ZNF284: variants seen among roughly 807,000 people sequenced by gnomAD.
ZNF284 encodes the protein zinc finger protein 284.
ZNF284 carries 12 observed loss-of-function variants against 12.9 expected under a neutral mutation model. That is an observed-to-expected ratio of 0.93 (90% CI 0.60 to 1.51). ZNF284 has a LOEUF of 1.51. Among genes scored for constraint, ZNF284 ranks in the 40% most tolerant of loss-of-function variants. ZNF284 has a pLI of 0.00. For missense variants in ZNF284, 667 were observed against 707.3 expected, an observed-to-expected ratio of 0.94 and a Z score of 0.65; for synonymous variants, 225 against 236.5, an observed-to-expected ratio of 0.95 and a Z score of 0.45.
intron 3 of ZNF284, 38 bp downstream of exon 3, chr19:44,081,179 C>G (rs746544288): frequency 1.3e-6 from 2 of 1,588,686 alleles, no homozygotes; most frequent in East Asian, 2.3e-5. Context: ...ACATCAGGCC[C>G]CAGGAATGGC....
At chr19:44,079,710 AAAAAC>A (rs767960439) in intron 2 of ZNF284, among the ~76,000 whole-genome samples, 4 of 151,352 alleles carry the variant, frequency 2.6e-5, no homozygotes, top group Admixed American at 6.6e-5. Context: ...CCATCTCAAA[AAAAAC>A]AAAACAAAAC....
In ZNF284 at chr19:44,086,710, A is replaced by G. The variant is rs1302275784; in HGVS notation, c.1232A>G (p.Asn411Ser). ...CDGCGKRFYM[N>S]SQGHSHQRAY... The stretch of plus-strand genomic sequence containing the variant: ...GGATGTGGGAAGAGATTTTATATGA[A>G]TTCACAGGGCCATTCACATCAGAGA... The change falls in exon 5 of 5, where the codon AAT (asparagine) becomes AGT (serine). Residue 411 changes from asparagine to serine, a missense_variant. Physicochemically the swap from Asn to Ser is conservative, Grantham distance 46 (BLOSUM62 1). Transcript: ENST00000421176. 2 of 1,614,094 alleles carry G rather than the reference A, an allele frequency of 1.2e-6. No homozygotes were observed. Among genetic ancestry groups the G allele is most frequent in the Admixed American group, 3.3e-5 (2 of 60,014 alleles).
intron 2 of ZNF284, among the ~76,000 whole-genome samples, chr19:44,077,852 G>A (rs1967057578): frequency 6.6e-6 from 1 of 152,104 alleles, no homozygotes; most frequent in South Asian, 2.1e-4. Flanking sequence ...GCCCTCTTGA[G>A]TGATGACAAC....
Position 44,088,296 on chromosome 19 carries a change from A to G in ZNF284, c.*1036A>G, listed in dbSNP as rs1266101064. 1 of 152,206 alleles carries G rather than the reference A, an allele frequency of 6.6e-6. No homozygotes were observed. The highest frequency in any genetic ancestry group is 1.9e-4 in the East Asian group (1 of 5,202). 9.4% of individuals were successfully genotyped at this position (152,206 alleles called of 1,614,324 possible). On this transcript the variant is annotated 3_prime_UTR_variant, in exon 5 of 5. Coordinates refer to ENST00000421176, the MANE Select transcript of ZNF284 (RefSeq NM_001037813.4). The stretch of plus-strand genomic sequence containing the variant: ...GTGGTATTTATCTTTCTGGGCCTGA[A>G]TTTACATCACTCAACATCATGTTCT...
At chr19:44,078,901 C>A (rs1967074183) in intron 2 of ZNF284, among the ~76,000 whole-genome samples, 5 of 152,132 alleles carry the variant, frequency 3.3e-5, no homozygotes, top group Admixed American at 3.3e-4. Context: ...AACGATTCTT[C>A]TGTATCAGCC....
At position 44,087,118 on chromosome 19, in the gene ZNF284, G is replaced by A; in HGVS notation, c.1640G>A (p.Ser547Asn). ...KLFQCEDCGK[S>N]SEHSSCLQDQ... Reference sequence around the variant, plus strand: ...TTCCAATGTGAGGATTGTGGGAAGAGCAGTGAGCACAGTTCATGCCTTCAA... The same window carrying A: ...TTCCAATGTGAGGATTGTGGGAAGAACAGTGAGCACAGTTCATGCCTTCAA... The change falls in exon 5 of 5, where the codon AGC (serine) becomes AAC (asparagine). Residue 547 changes from serine (S) to asparagine (N), a missense_variant. Transcript: ENST00000421176. The A allele has an allele frequency of 6.2e-7, 1 of 1,614,168 alleles. No homozygotes were observed. The highest frequency in any genetic ancestry group is 8.5e-7 in the Non-Finnish European group (1 of 1,180,016).
chr19:44,072,929 C>T (rs944311697), intron 1 of ZNF284, among the ~76,000 whole-genome samples: 1 of 152,230 alleles, frequency 6.6e-6, no homozygotes, highest in African/African-American at 2.4e-5. Context: ...TTCTTGGCTA[C>T]TGAGGGCAAA....
rs374076216 is a variant in ZNF284, at chr19:44,082,075, G to C, written c.205G>C (p.Glu69Gln). ...FQREEKFWIMETATQREGNSG... is the reference protein window; with the variant it reads ...FQREEKFWIMQTATQREGNSG... ...AAGAGAAGAAAAGTTTTGGATCATG[G>C]AGACAGCAACCCAAAGAGAAGGGAA... The change falls in exon 4 of 5, where the codon GAG becomes CAG. Residue 69 changes from glutamate (E) to glutamine (Q), a missense_variant. Transcript: ENST00000421176. 8.1e-6 allele frequency: 13 copies of C among 1,612,990 alleles called. No individual in the cohort carries two copies. Among genetic ancestry groups the C allele is most frequent in the African/African-American group, 1.3e-5 (1 of 74,730 alleles).
intron 2 of ZNF284, among the ~76,000 whole-genome samples, chr19:44,077,325 C>T (rs1178245539): frequency 1.3e-5 from 2 of 152,156 alleles, no homozygotes; most frequent in African/African-American, 4.8e-5. Context: ...ATGCTTAAGT[C>T]ATGCATTGTG....
chr19:44,087,452 G>A lies in ZNF284; in HGVS notation c.*192G>A, dbSNP rs1967280405. 2.2e-6 allele frequency: 1 copy of A among 458,654 alleles called. No homozygotes were observed. Among genetic ancestry groups the A allele is most frequent in the Non-Finnish European group, 3.8e-6 (1 of 265,738 alleles). The allele number at this position is 458,654 out of a possible 1,614,324, so 28.4% of individuals were successfully genotyped here. Reference sequence around the variant, plus strand: ...TGAAAATAAGTTATTATTAATTATAGTCACCTTTAGTGCTGTGGAACACTA... The same window carrying A: ...TGAAAATAAGTTATTATTAATTATAATCACCTTTAGTGCTGTGGAACACTA... On this transcript the variant is annotated 3_prime_UTR_variant, in exon 5 of 5. Transcript: ENST00000421176.
intron 4 of ZNF284, among the ~76,000 whole-genome samples, chr19:44,083,976 A>G (rs935874661): frequency 5.9e-5 from 9 of 152,160 alleles, no homozygotes; most frequent in Non-Finnish European, 1.0e-4. Flanking sequence ...GTCTCCAGAC[A>G]GCATGCTTGG....
rs759214221 is a variant in ZNF284, at chr19:44,086,986, G to T, written c.1508G>T (p.Arg503Ile). Residue 503 changes from arginine (R) to isoleucine (I), a missense_variant, in exon 5 of 5, where the codon AGA (arginine) becomes ATA (isoleucine). Arg to Ile is a moderately conservative substitution (Grantham distance 97, BLOSUM62 -3). Coordinates refer to ENST00000421176, the MANE Select transcript of ZNF284 (RefSeq NM_001037813.4). Reference sequence around the variant, plus strand: ...AATTCAAAACTTCGTTTCCATCAAAGAATTCACACTGGAGAAAAGCCTTAC... The same window carrying T: ...AATTCAAAACTTCGTTTCCATCAAATAATTCACACTGGAGAAAAGCCTTAC... ...TENSKLRFHQ[R>I]IHTGEKPYKC... is the part of the protein sequence containing the mutation. 2 of 1,614,182 alleles carry T rather than the reference G, an allele frequency of 1.2e-6. No individual in the cohort carries two copies. The highest frequency in any genetic ancestry group is 1.7e-6 in the Non-Finnish European group (2 of 1,180,024).
chr19:44,081,877 A>G (rs1967132464), intron 3 of ZNF284, 136 bp from the exon 4 acceptor site: 1 of 616,986 alleles, frequency 1.6e-6, no homozygotes. Flanking sequence ...GATTATGGGA[A>G]CTACAATTCA....
chr19:44,076,287 C>CTTTTTTTTTTTTTTTT, intron 1 of ZNF284, 35 bp from the exon 2 acceptor site: 1 of 1,065,798 alleles, frequency 9.4e-7, no homozygotes, highest in Non-Finnish European at 1.4e-6. Context: ...CTTCATGTCT[C>CTTTTTTTTTTTTTTTT]TTTTTTTTTT....
Position 44,086,101 on chromosome 19 carries a change from G to T in ZNF284, c.623G>T (p.Cys208Phe), listed in dbSNP as rs909868910. 4 of 1,614,098 alleles carry T rather than the reference G, an allele frequency of 2.5e-6. No individual in the cohort carries two copies. The African/African-American group carries it at 5.3e-5, about 22-fold the overall frequency. The part of the protein sequence containing the change: ...MGEKRYKCDV[C>F]SKAFSQNSQL... ...GAGAAACGCTATAAGTGTGATGTGT[G>T]TAGTAAGGCATTTAGTCAGAACTCA... The change falls in exon 5 of 5, where the codon TGT (cysteine) becomes TTT (phenylalanine). Residue 208 changes from cysteine to phenylalanine, a missense_variant. Physicochemically the swap from Cys to Phe is radical, Grantham distance 205. Transcript: ENST00000421176.
Position 44,082,431 on chromosome 19 carries a change from G to A in ZNF284, c.235+326G>A, listed in dbSNP as rs544809703. 2.0e-5 allele frequency among the ~76,000 whole-genome samples: 3 copies of A among 152,232 alleles called. No individual in the cohort carries two copies. The East Asian group carries it at 5.8e-4, about 29-fold the overall frequency. ...CTTGATCTGCTCTTCATCCCCTACT[G>A]CCTCTCTGACTACATCTCCATTTTC... On this transcript the variant is annotated intron_variant, in intron 4 of 4. Coordinates refer to ENST00000421176, the MANE Select transcript of ZNF284 (RefSeq NM_001037813.4).
rs1461823774 is a variant in ZNF284 at position 44,076,446 on chromosome 19, G to T, written c.15+42G>T. ...TCTTTTGCTGTTCAGATTCTGTTTT[G>T]CTACTTAAGATTGTCACATGTTTTT... is the stretch of plus-strand genomic sequence containing the variant. On this transcript the variant is annotated intron_variant, in intron 2 of 4. Coordinates refer to ENST00000421176, the MANE Select transcript of ZNF284 (RefSeq NM_001037813.4). 1.9e-6 allele frequency: 3 copies of T among 1,591,220 alleles called. No individual in the cohort carries two copies. The East Asian group carries it at 6.8e-5, about 36-fold the overall frequency.
intron 4 of ZNF284, among the ~76,000 whole-genome samples, chr19:44,084,390 G>A (rs1967191816): frequency 6.6e-6 from 1 of 152,198 alleles, no homozygotes; most frequent in South Asian, 2.1e-4. Context: ...CACAGGTTGT[G>A]GTGGGCAGTG....
At chr19:44,080,137 C>G (rs1026989019) in intron 2 of ZNF284, among the ~76,000 whole-genome samples, 2 of 152,148 alleles carry the variant, frequency 1.3e-5, no homozygotes, top group Admixed American at 1.3e-4. Context: ...TGGGATTGAG[C>G]CTTGTGAGTG....
Sources: gnomAD v4.1 joint callset for allele counts (sites outside exome capture counted in the v4.1 genomes callset) on GRCh38, gnomAD v4.1.1 for gene constraint, MANE v1.5 for transcripts, NCBI Gene and HGNC (gene_info 2026-07-23, HGNC 2026-07-21) for gene names.